GATAD2A: variants seen among roughly 807,000 people sequenced by gnomAD.
The protein encoded by GATAD2A is transcriptional repressor p66-alpha.
GATAD2A carries 12 observed loss-of-function variants against 68.5 expected under a neutral mutation model. The ratio of observed to expected loss-of-function variants is 0.18; its 90% CI spans 0.11 to 0.28. The LOEUF (loss-of-function observed/expected upper bound fraction) is 0.28. Among genes scored for constraint, GATAD2A ranks in the 10% least tolerant of loss-of-function variants. The pLI, the probability that GATAD2A is intolerant of heterozygous loss-of-function variation, is 1.00. For synonymous variants in GATAD2A, 410 were observed against 375.3 expected (o/e 1.09, Z -1.07); for missense variants, 755 against 868.5 (o/e 0.87, Z 1.64).
chr19:19,425,772 T>C (rs376635852), intron 1 of GATAD2A, among the ~76,000 whole-genome samples: 1 of 151,602 alleles, frequency 6.6e-6, no homozygotes, highest in South Asian at 2.1e-4. Flanking sequence ...GGGGACATAG[T>C]GGTTTTCTTT....
At chr19:19,422,185 G>A (rs774973329) in intron 1 of GATAD2A, among the ~76,000 whole-genome samples, 6 of 152,172 alleles carry the variant, frequency 3.9e-5, no homozygotes, top group Non-Finnish European at 5.9e-5. Context: ...TAACATATCA[G>A]CATTTTCATA....
At chr19:19,486,148 C>A (rs951350498) in intron 2 of GATAD2A, among the ~76,000 whole-genome samples, 2 of 152,216 alleles carry the variant, frequency 1.3e-5, no homozygotes, top group Non-Finnish European at 2.9e-5. Context: ...TGTGAATGTT[C>A]AGGTGTCACA....
rs564087260 is a variant in GATAD2A, at chr19:19,505,890, C to T, written c.*416C>T. 16 of 398,844 alleles carry T rather than the reference C, an allele frequency of 4.0e-5. No individual in the cohort carries two copies. Among genetic ancestry groups the T allele is most frequent in the African/African-American group, 1.4e-4 (7 of 48,704 alleles). 24.7% of individuals were successfully genotyped at this position (398,844 alleles called of 1,614,324 possible). ...CAGCGCCCGGGGCTTCTGAACCGAG[C>T]GGGGTGTTTCATTTTTTTGCTTTTC... is the stretch of plus-strand genomic sequence containing the variant. On this transcript the variant is annotated 3_prime_UTR_variant, in exon 12 of 12. Coordinates refer to ENST00000683918, the MANE Select transcript of GATAD2A (RefSeq NM_001384528.1).
intron 1 of GATAD2A, among the ~76,000 whole-genome samples, chr19:19,390,495 G>A (rs914617052): frequency 4.6e-5 from 7 of 152,132 alleles, no homozygotes; most frequent in African/African-American, 1.2e-4. Context: ...CCCCTACTGC[G>A]TCTCTTAGCA....
intron 2 of GATAD2A, among the ~76,000 whole-genome samples, chr19:19,487,602 C>T (rs1015886972): frequency 6.8e-6 from 1 of 147,286 alleles, no homozygotes; most frequent in African/African-American, 2.7e-5. Flanking sequence ...TGCACTCCCC[C>T]GAGTGGAACC....
intron 1 of GATAD2A, among the ~76,000 whole-genome samples, chr19:19,408,760 G>C (rs1373954321): frequency 6.6e-6 from 1 of 152,138 alleles, no homozygotes; most frequent in Non-Finnish European, 1.5e-5. Flanking sequence ...GCCAGGAGTC[G>C]TAATTAATCT....
At chr19:19,487,851 C>G (rs1023090516) in intron 2 of GATAD2A, among the ~76,000 whole-genome samples, 1 of 152,188 alleles carries the variant, frequency 6.6e-6, no homozygotes, top group Admixed American at 6.5e-5. Flanking sequence ...GGTGTTGGCT[C>G]TAGCAGAGCC....
At chr19:19,407,461 T>C (rs1318755073) in intron 1 of GATAD2A, among the ~76,000 whole-genome samples, 1 of 152,154 alleles carries the variant, frequency 6.6e-6, no homozygotes, top group Non-Finnish European at 1.5e-5. Flanking sequence ...GGTCAGGAAA[T>C]TGGGGCTGCT....
At chr19:19,421,629 G>GGCTCAC (rs2052430310) in intron 1 of GATAD2A, among the ~76,000 whole-genome samples, 1 of 152,084 alleles carries the variant, frequency 6.6e-6, no homozygotes, top group African/African-American at 2.4e-5. Context: ...AGCCTGATGT[G>GGCTCAC]TGCAGCCACT....
In GATAD2A at chr19:19,423,628, CTGTT is replaced by C. The variant is rs201480781; in HGVS notation, c.-7+17612_-7+17615del. On this transcript the variant is annotated intron_variant, in intron 1 of 11. Coordinates refer to ENST00000683918, the MANE Select transcript of GATAD2A (RefSeq NM_001384528.1). ...CAAGTCTGAGAATTTACCGAATTGA[CTGTT>C]TGATTTGGCAGCTGATGGTCAGAGA... is the stretch of plus-strand genomic sequence containing the variant. Among the ~76,000 whole-genome samples the C allele has an allele frequency of 2.6e-3, 395 of 152,356 alleles. 3 individuals are homozygous for C. In the South Asian group the frequency reaches 0.041, roughly 16 times the overall value.
At chr19:19,442,937 C>A (rs893932138) in intron 1 of GATAD2A, among the ~76,000 whole-genome samples, 1 of 151,994 alleles carries the variant, frequency 6.6e-6, no homozygotes, top group Non-Finnish European at 1.5e-5. Flanking sequence ...GCTGCACACT[C>A]CAGGAACGAG....
intron 1 of GATAD2A, among the ~76,000 whole-genome samples, chr19:19,395,807 T>C (rs1242290665): frequency 6.6e-6 from 1 of 152,054 alleles, no homozygotes; most frequent in African/African-American, 2.4e-5. Context: ...CCCTGTGCCA[T>C]AGAAACTTTA....
intron 2 of GATAD2A, among the ~76,000 whole-genome samples, chr19:19,485,038 C>T (rs1458059779): frequency 6.6e-5 from 10 of 152,188 alleles, no homozygotes; most frequent in African/African-American, 2.4e-4. Flanking sequence ...TCCCACATGA[C>T]CTTCCTAGAG....
chr19:19,476,331 G>T (rs1415844810), intron 2 of GATAD2A, among the ~76,000 whole-genome samples: 1 of 152,206 alleles, frequency 6.6e-6, no homozygotes, highest in African/African-American at 2.4e-5. Context: ...TGCTGCTGCG[G>T]CTTCTGATAT....
At chr19:19,485,954 C>T (rs1364457135) in intron 2 of GATAD2A, among the ~76,000 whole-genome samples, 2 of 152,200 alleles carry the variant, frequency 1.3e-5, no homozygotes, top group African/African-American at 4.8e-5. Context: ...CCTCCAGCAG[C>T]ACAACATCTA....
At chr19:19,415,786 T>A (rs1423102291) in intron 1 of GATAD2A, among the ~76,000 whole-genome samples, 1 of 151,876 alleles carries the variant, frequency 6.6e-6, no homozygotes, top group African/African-American at 2.4e-5. Context: ...CCTAGCTAAT[T>A]TTTGTATTTT....
intron 1 of GATAD2A, among the ~76,000 whole-genome samples, chr19:19,409,014 C>CT (rs5827448): frequency 0.18 from 20,526 of 116,394 alleles, 2,004 homozygotes; most frequent in South Asian, 0.29. Flanking sequence ...GAAATGTTGG[C>CT]TTTTTTTTTT....
At chr19:19,483,090 C>G (rs1004372798) in intron 2 of GATAD2A, among the ~76,000 whole-genome samples, 1 of 152,194 alleles carries the variant, frequency 6.6e-6, no homozygotes, top group Admixed American at 6.5e-5. Context: ...GCTGGCCGCC[C>G]CCTGGCTGTG....
intron 7 of GATAD2A, among the ~76,000 whole-genome samples, chr19:19,496,824 A>T (rs8110774): frequency 3.3e-5 from 5 of 152,322 alleles, no homozygotes; most frequent in African/African-American, 1.2e-4. Flanking sequence ...TGGCTGACAG[A>T]TAAAATTACC....
Sources: gnomAD v4.1 joint callset for allele counts (sites outside exome capture counted in the v4.1 genomes callset) on GRCh38, gnomAD v4.1.1 for gene constraint, MANE v1.5 for transcripts, NCBI Gene and HGNC (gene_info 2026-07-23, HGNC 2026-07-21) for gene names.